ZFPM1: variants seen among roughly 807,000 people sequenced by gnomAD.
The protein encoded by ZFPM1 is zinc finger protein, FOG family member 1.
Under a neutral mutation model 46.3 loss-of-function variants are expected in ZFPM1, and 28 were observed. The observed-to-expected ratio is 0.60, with a 90% CI of 0.45 to 0.83. The LOEUF (loss-of-function observed/expected upper bound fraction) is 0.83. ZFPM1 is among the 40% of genes least tolerant of loss of function. The probability of loss-of-function intolerance (pLI) is 0.00; values close to 1 mark genes in which losing one functional copy is unlikely to be tolerated. For synonymous variants in ZFPM1, 957 were observed against 675.9 expected (o/e 1.42, Z -6.45); for missense variants, 1,878 against 1,432.4 (o/e 1.31, Z -5.02).
At chr16:88,478,834 A>T (rs1908800324) in intron 1 of ZFPM1, among the ~76,000 whole-genome samples, 1 of 152,058 alleles carries the variant, frequency 6.6e-6, no homozygotes, top group African/African-American at 2.4e-5. Context: ...CAACCTGAGG[A>T]CCCATGGGTT....
chr16:88,452,958 G>A (rs955648812), upstream of ZFPM1, among the ~76,000 whole-genome samples: 3 of 152,068 alleles, frequency 2.0e-5, no homozygotes, highest in Non-Finnish European at 2.9e-5. Flanking sequence ...GGGCGCGGGC[G>A]GGGCCGAACC....
At chr16:88,500,792 C>T (rs1910208283) in intron 3 of ZFPM1, among the ~76,000 whole-genome samples, 1 of 152,228 alleles carries the variant, frequency 6.6e-6, no homozygotes, top group African/African-American at 2.4e-5. Flanking sequence ...AGGGCAGGGC[C>T]CACAGTTTCT....
intron 1 of ZFPM1, among the ~76,000 whole-genome samples, chr16:88,483,527 G>A (rs895493691): frequency 3.3e-5 from 5 of 152,106 alleles, no homozygotes; most frequent in Non-Finnish European, 7.4e-5. Context: ...TTCCCTCCGA[G>A]ATCTACCGGC....
chr16:88,453,944 G>T (rs559908419), intron 1 of ZFPM1, among the ~76,000 whole-genome samples: 2 of 152,248 alleles, frequency 1.3e-5, no homozygotes, highest in East Asian at 3.9e-4. Flanking sequence ...GGCGCGGCCC[G>T]GGCAGCTCGG....
intron 4 of ZFPM1, among the ~76,000 whole-genome samples, chr16:88,519,513 T>TA (rs1401799161): frequency 6.8e-6 from 1 of 148,132 alleles, no homozygotes; most frequent in Non-Finnish European, 1.5e-5. Context: ...GGTGGGTAGA[T>TA]AGATGAATGG....
At chr16:88,512,687 A>G (rs1349501577) in intron 3 of ZFPM1, among the ~76,000 whole-genome samples, 1 of 152,130 alleles carries the variant, frequency 6.6e-6, no homozygotes, top group Non-Finnish European at 1.5e-5. Flanking sequence ...GGTGACACAC[A>G]GGCTCACTTG....
intron 1 of ZFPM1, among the ~76,000 whole-genome samples, chr16:88,474,035 G>A (rs980959659): frequency 6.6e-5 from 10 of 152,258 alleles, no homozygotes; most frequent in Non-Finnish European, 1.0e-4. Flanking sequence ...AACCTTCAGC[G>A]TCGATAAAGT....
At chr16:88,484,455 C>G (rs1481047487) in intron 1 of ZFPM1, among the ~76,000 whole-genome samples, 1 of 152,188 alleles carries the variant, frequency 6.6e-6, no homozygotes, top group Non-Finnish European at 1.5e-5. Context: ...GACACGTGAA[C>G]TCAGACACGC....
intron 1 of ZFPM1, among the ~76,000 whole-genome samples, chr16:88,472,447 G>A (rs1280775989): frequency 2.0e-5 from 3 of 149,186 alleles, no homozygotes; most frequent in Non-Finnish European, 3.0e-5. Flanking sequence ...TCTGCCTCCC[G>A]GATTCAAGAT....
Position 88,453,548 on chromosome 16 carries a change from G to C in ZFPM1, c.-91G>C, listed in dbSNP as rs1212375982. 9 of 632,140 alleles carry C rather than the reference G, an allele frequency of 1.4e-5. No homozygotes were observed. Among genetic ancestry groups the C allele is most frequent in the Non-Finnish European group, 1.8e-5 (9 of 510,474 alleles). The allele number at this position is 632,140 out of a possible 1,614,324, so 39.2% of individuals were successfully genotyped here. A position where few individuals can be genotyped will look rare whatever the true frequency, so the allele number is the denominator to read the frequency against. On this transcript the variant is annotated 5_prime_UTR_variant, in exon 1 of 10. Transcript: ENST00000319555. ...CGGAGACCGGGGGCCGGGGGCATGA[G>C]CGGCCCCGCGGCCCCGCCGCGCCCC...
At chr16:88,458,177 G>A (rs781756059) in intron 1 of ZFPM1, among the ~76,000 whole-genome samples, 5 of 152,218 alleles carry the variant, frequency 3.3e-5, no homozygotes, top group South Asian at 2.1e-4. Flanking sequence ...GGGTGTGTCC[G>A]TGAGCACCGC....
rs772702995 is a variant in ZFPM1, at chr16:88,526,799, A to AC, written c.403-12dup. ...GACGGACCCCTCCCCACGTGTTCCTACCCTCCCCCCCCAGAGCCCAGCCCT... is the reference window on the plus strand; with the variant it reads ...GACGGACCCCTCCCCACGTGTTCCTACCCCTCCCCCCCCAGAGCCCAGCCCT... On this transcript the variant is annotated splice_polypyrimidine_tract_variant and intron_variant, in intron 4 of 9. Transcript: ENST00000319555. 1.5e-4 allele frequency: 184 copies of AC among 1,196,072 alleles called. 1 individual carries two copies. Among genetic ancestry groups the AC allele is most frequent in the Admixed American group, 4.0e-4 (13 of 32,296 alleles). 74.1% of individuals were successfully genotyped at this position (1,196,072 alleles called of 1,614,324 possible). A position where few individuals can be genotyped will look rare whatever the true frequency, so the allele number is the denominator to read the frequency against.
chr16:88,486,682 C>T (rs1268205298), intron 2 of ZFPM1, among the ~76,000 whole-genome samples: 2 of 149,152 alleles, frequency 1.3e-5, no homozygotes, highest in African/African-American at 2.5e-5. Context: ...GTGCTAGGTA[C>T]ACAGTGGGTG....
In ZFPM1 at chr16:88,497,171, C is replaced by G. The variant is rs1909976415; in HGVS notation, c.268+8018C>G. ...CTGATGGCAGAGATGGGAAGGCTGG[C>G]CATGTCCCCAGGGCACTGCTGGCCA... On this transcript the variant is annotated intron_variant, in intron 3 of 9. Coordinates refer to ENST00000319555, the MANE Select transcript of ZFPM1 (RefSeq NM_153813.3). The surrounding 1 kb of genome is among the most constrained non-coding windows in gnomAD (Gnocchi z 5.4). Among the ~76,000 whole-genome samples the G allele has an allele frequency of 6.6e-6, 1 of 152,226 alleles. No individual in the cohort carries two copies. The highest frequency in any genetic ancestry group is 2.4e-5 in the African/African-American group (1 of 41,456).
chr16:88,521,480 T>C (rs1038705219), intron 4 of ZFPM1, among the ~76,000 whole-genome samples: 1 of 150,866 alleles, frequency 6.6e-6, no homozygotes. Context: ...GACCCCCCGC[T>C]AAGGTATCCT....
intron 1 of ZFPM1, among the ~76,000 whole-genome samples, chr16:88,461,959 C>A (rs58510773): frequency 6.6e-5 from 10 of 152,352 alleles, no homozygotes; most frequent in African/African-American, 2.4e-4. Context: ...GCCCAGGTTT[C>A]TCTGGGCACT....
At chr16:88,487,696 C>G (rs2142375451) in intron 2 of ZFPM1, among the ~76,000 whole-genome samples, 2 of 152,240 alleles carry the variant, frequency 1.3e-5, no homozygotes, top group East Asian at 3.9e-4. Context: ...GGCCGCGGCC[C>G]CAAGAGCCCA....
At chr16:88,486,422 T>C (rs935306175) in intron 2 of ZFPM1, among the ~76,000 whole-genome samples, 48 of 152,334 alleles carry the variant, frequency 3.2e-4, no homozygotes, top group African/African-American at 1.1e-3. Context: ...TGAGCTGTGA[T>C]CCCTGCTGGC....
chr16:88,515,695 A>G (rs1182232152), intron 4 of ZFPM1, among the ~76,000 whole-genome samples: 3 of 152,252 alleles, frequency 2.0e-5, no homozygotes, highest in African/African-American at 7.2e-5. Context: ...GGCCTGGAGC[A>G]GGGAGGTGGA....
Sources: allele counts gnomAD v4.1 joint callset (sites outside exome capture counted in the v4.1 genomes callset), GRCh38; gene constraint gnomAD v4.1.1; non-coding constraint Gnocchi (gnomAD v3.1); transcripts MANE v1.5; gene names NCBI Gene and HGNC (gene_info 2026-07-23, HGNC 2026-07-21).